The following C1orf141 variants were observed in gnomAD, a reference collection of about 807,000 sequenced individuals.
C1orf141 encodes the protein chromosome 1 open reading frame 141.
A neutral mutation model predicts 23.2 loss-of-function variants in C1orf141; 19 were observed. The ratio of observed to expected loss-of-function variants is 0.82; its 90% CI spans 0.57 to 1.20. The LOEUF is 1.20. Ranked by LOEUF, C1orf141 falls within the 50% of genes most tolerant of loss-of-function variation. The pLI is 0.00. For missense variants in C1orf141, 469 were observed against 455.1 expected (o/e 1.03, Z -0.28); for synonymous variants, 153 against 154.6 (o/e 0.99, Z 0.08).
At chr1:67,130,075 G>T (rs570254468) in intron 2 of C1orf141, among the ~76,000 whole-genome samples, 5 of 152,124 alleles carry the variant, frequency 3.3e-5, no homozygotes, top group Non-Finnish European at 7.4e-5. Context: ...GACAATAGGG[G>T]ACAGATTTTG....
rs930693205 is a variant in C1orf141 at position 67,093,058 on chromosome 1, T to C, written c.1150A>G (p.Thr384Ala). The C allele has an allele frequency of 6.2e-7, 1 of 1,600,338 alleles. No homozygotes were observed. Among genetic ancestry groups the C allele is most frequent in the Non-Finnish European group, 8.6e-7 (1 of 1,168,298 alleles). Residue 384 changes from threonine to alanine, a missense_variant, in exon 8 of 8, where the codon ACG (threonine) becomes GCG (alanine). Thr to Ala is a moderately conservative substitution (Grantham distance 58). Transcript: ENST00000684719. Reference protein sequence around the residue: ...FKYIYELNNVTPLDNLLNLSN... With the variant: ...FKYIYELNNVAPLDNLLNLSN... Reference sequence around the variant, plus strand: ...AAGTTTAACAAATTATCCAGTGGCGTTACATTATTTAGTTCATATATATAT... The same window carrying C: ...AAGTTTAACAAATTATCCAGTGGCGCTACATTATTTAGTTCATATATATAT...
intron 1 of C1orf141, among the ~76,000 whole-genome samples, chr1:67,134,023 C>T (rs1260254425): frequency 2.6e-5 from 4 of 152,092 alleles, no homozygotes; most frequent in Non-Finnish European, 5.9e-5. Context: ...ATTTTTGAGA[C>T]GGTCTCACTG....
At chr1:67,099,213 C>T (rs939305234) in intron 5 of C1orf141, among the ~76,000 whole-genome samples, 1 of 151,974 alleles carries the variant, frequency 6.6e-6, no homozygotes, top group African/African-American at 2.4e-5. Flanking sequence ...CCTAAAACTA[C>T]CAAAAAGTTA....
chr1:67,121,910 G>GTCAT (rs1181663017), intron 4 of C1orf141: 1 of 152,238 alleles, frequency 6.6e-6, no homozygotes, highest in African/African-American at 2.4e-5. Context: ...AGCTCCCTGT[G>GTCAT]TCATTAGACT....
intron 5 of C1orf141, chr1:67,103,437 A>G: frequency 9.5e-7 from 1 of 1,051,916 alleles, no homozygotes; most frequent in Non-Finnish European, 1.3e-6. Flanking sequence ...TTCCGTGTAT[A>G]TTAATAAATA....
intron 5 of C1orf141, among the ~76,000 whole-genome samples, chr1:67,100,702 C>T (rs1230065039): frequency 1.3e-5 from 2 of 152,122 alleles, no homozygotes; most frequent in African/African-American, 2.4e-5. Context: ...AATCAGATCA[C>T]TTAAATCTGG....
intron 2 of C1orf141, 51 bp downstream of exon 2, chr1:67,131,091 T>A (rs1646507934): frequency 6.6e-6 from 1 of 152,254 alleles, no homozygotes; most frequent in Non-Finnish European, 1.5e-5. Context: ...AATCTTTTAA[T>A]GCAAAATGAA....
At chr1:67,128,602 G>A (rs1311261807) in intron 2 of C1orf141, among the ~76,000 whole-genome samples, 1 of 152,018 alleles carries the variant, frequency 6.6e-6, no homozygotes, top group East Asian at 1.9e-4. Context: ...GATTTGGGAG[G>A]CTGAGGAGGG....
intron 5 of C1orf141, among the ~76,000 whole-genome samples, chr1:67,106,562 A>C (rs1645931502): frequency 6.6e-6 from 1 of 152,036 alleles, no homozygotes. Context: ...GGAGGTTGAG[A>C]CAGGAGAATC....
In C1orf141 at chr1:67,095,257, G is replaced by T. The variant is rs748155442; in HGVS notation, c.581C>A (p.Thr194Lys). The T allele has an allele frequency of 2.5e-6, 4 of 1,586,864 alleles. No homozygotes were observed. Among genetic ancestry groups the T allele is most frequent in the Admixed American group, 1.8e-5 (1 of 55,244 alleles). Residue 194 changes from threonine (T) to lysine (K), a missense_variant, in exon 7 of 8, where the codon ACA (threonine) becomes AAA (lysine). Physicochemically the swap from Thr to Lys is moderately conservative, Grantham distance 78 (BLOSUM62 -1). Coordinates refer to ENST00000684719, the MANE Select transcript of C1orf141 (RefSeq NM_001276351.2). ...PHAKIVNVSPTKTVTSHMEQK... is the reference protein window; with the variant it reads ...PHAKIVNVSPKKTVTSHMEQK... ...TACCATGTGAGAAGTTACTGTCTTT[G>T]TTGGACTAACGTTGACTATCTTGGC...
intron 5 of C1orf141, among the ~76,000 whole-genome samples, chr1:67,108,353 G>C (rs1645981442): frequency 6.6e-6 from 1 of 152,080 alleles, no homozygotes; most frequent in African/African-American, 2.4e-5. Context: ...CTTTTATAAG[G>C]TCACTAATCC....
chr1:67,121,295 G>A (rs1646294186), intron 4 of C1orf141, among the ~76,000 whole-genome samples: 1 of 152,070 alleles, frequency 6.6e-6, no homozygotes, highest in African/African-American at 2.4e-5. Flanking sequence ...AAGCATAATG[G>A]CTATAGGTAA....
intron 5 of C1orf141, 142 bp from the exon 6 acceptor site, chr1:67,096,463 A>T (rs11805123): frequency 0.068 from 36,555 of 536,776 alleles, 1,967 homozygotes; most frequent in African/African-American, 0.21. Flanking sequence ...CTACCCAGTA[A>T]ATATTTCTTG....
chr1:67,096,661 C>T (rs1381086435), intron 5 of C1orf141, among the ~76,000 whole-genome samples: 1 of 152,162 alleles, frequency 6.6e-6, no homozygotes, highest in Non-Finnish European at 1.5e-5. Context: ...ACTTGGTAGG[C>T]AGGGAAGACA....
At chr1:67,097,738 G>T (rs1645714382) in intron 5 of C1orf141, among the ~76,000 whole-genome samples, 1 of 99,036 alleles carries the variant, frequency 1.0e-5, no homozygotes, top group Non-Finnish European at 2.6e-5. Flanking sequence ...GGCAAGAGCA[G>T]CAATGGAGTA....
In C1orf141 at chr1:67,125,753, T is replaced by G. The variant is rs755035026; in HGVS notation, c.232A>C (p.Met78Leu). ...DKSCSITKSK[M>L]HVSFKCEPEP... Reference sequence around the variant, plus strand: ...ATTTAAGGTGGTTATGATAGTTACATTTTTGATTTTGTAATGCTGCATGAC... The same window carrying G: ...ATTTAAGGTGGTTATGATAGTTACAGTTTTGATTTTGTAATGCTGCATGAC... The change falls in exon 4 of 8, where the codon ATG becomes CTG. Residue 78 changes from methionine to leucine, a missense_variant and splice_region_variant. Transcript: ENST00000684719. The G allele has an allele frequency of 1.2e-6, 2 of 1,613,548 alleles. No homozygotes were observed. The highest frequency in any genetic ancestry group is 8.5e-7 in the Non-Finnish European group (1 of 1,179,526).
intron 4 of C1orf141, among the ~76,000 whole-genome samples, chr1:67,116,022 A>G (rs1453228468): frequency 1.3e-5 from 2 of 152,216 alleles, no homozygotes; most frequent in Non-Finnish European, 2.9e-5. Context: ...CTTAGTTGGT[A>G]TAAGCCAGTC....
At position 67,125,928 on chromosome 1, in the gene C1orf141, G is replaced by GAAAAAAAAAAAA; in HGVS notation, c.76-31_76-20dup. The GAAAAAAAAAAAA allele has an allele frequency of 3.4e-6, 4 of 1,183,164 alleles. No individual in the cohort carries two copies. Among genetic ancestry groups the GAAAAAAAAAAAA allele is most frequent in the Admixed American group, 7.9e-5 (2 of 25,318 alleles). 73.3% of individuals were successfully genotyped at this position (1,183,164 alleles called of 1,614,324 possible). ...TGTTTATCTGCAGCAATGCCAAAGTGAAAAAAAAAAAAAAAAAAAGAGTAC... is the reference window on the plus strand; with the variant it reads ...TGTTTATCTGCAGCAATGCCAAAGTGAAAAAAAAAAAAAAAAAAAAAAAAAAAAAAAGAGTAC... On this transcript the variant is annotated intron_variant, in intron 3 of 7. Coordinates refer to ENST00000684719, the MANE Select transcript of C1orf141 (RefSeq NM_001276351.2).
chr1:67,100,987 G>A (rs937669818), intron 5 of C1orf141, among the ~76,000 whole-genome samples: 4 of 139,118 alleles, frequency 2.9e-5, no homozygotes, highest in African/African-American at 1.1e-4. Context: ...CTCTGTTTAT[G>A]TGTGAGGTGT....
Sources: allele counts gnomAD v4.1 joint callset (sites outside exome capture counted in the v4.1 genomes callset), GRCh38; gene constraint gnomAD v4.1.1; transcripts MANE v1.5; gene names NCBI Gene and HGNC (gene_info 2026-07-23, HGNC 2026-07-21).